UNC45A: variants seen among roughly 807,000 people sequenced by gnomAD.
The protein encoded by UNC45A is protein unc-45 homolog A.
UNC45A carries 78 observed loss-of-function variants against 103.2 expected under a neutral mutation model. The observed-to-expected ratio is 0.76, with a 90% CI of 0.63 to 0.91. UNC45A has a LOEUF of 0.91. Ranked by LOEUF, UNC45A falls within the 40% of genes least tolerant of loss-of-function variation. UNC45A has a pLI of 0.00. For synonymous variants in UNC45A, 495 were observed against 504.6 expected (o/e 0.98, Z 0.25); for missense variants, 1,193 against 1,224.8 (o/e 0.97, Z 0.39).
chr15:90,931,678 C>G, upstream of UNC45A: 1 of 1,613,866 alleles, frequency 6.2e-7, no homozygotes, highest in Non-Finnish European at 8.5e-7. Flanking sequence ...CCTCCCTTTT[C>G]CCTTACAGCC....
In UNC45A at chr15:90,944,926, A is replaced by G. The variant is rs761944026; in HGVS notation, c.1062A>G (p.Leu354=). 6.2e-7 allele frequency: 1 copy of G among 1,612,406 alleles called. No individual in the cohort carries two copies. The highest frequency in any genetic ancestry group is 8.5e-7 in the Non-Finnish European group (1 of 1,180,004). ...AGATTTTGGAAGTGGGGGGCTCTCT[A>G]CAGGACCCTCCTGGGGAGCTCGCAG... The part of the protein sequence containing the change: ...LKKILEVGGS[L]QDPPGELAVT... Residue 354 remains leucine (L), a synonymous_variant, in exon 9 of 20, where the codon CTA becomes CTG. Transcript: ENST00000418476.
At chr15:90,931,379 A>G, upstream of UNC45A, 1 of 1,562,062 alleles carries the variant, frequency 6.4e-7, no homozygotes, top group East Asian at 2.4e-5. Flanking sequence ...CACTCGAAGT[A>G]TTCCTGGACT....
At position 90,943,076 on chromosome 15, in the gene UNC45A, G is replaced by C; in HGVS notation, c.1021G>C (p.Asp341His). The change falls in exon 8 of 20, where the codon GAC becomes CAC. Residue 341 changes from aspartate to histidine, a missense_variant. By Grantham distance (81) the Asp-to-His change is moderately conservative. Coordinates refer to ENST00000418476, the MANE Select transcript of UNC45A (RefSeq NM_018671.5). Reference protein sequence around the residue: ...PNNSLTLWVIDQGLKKILEVG... With the variant: ...PNNSLTLWVIHQGLKKILEVG... ...CAACAGCCTCACCCTCTGGGTCATCGACCAAGGTAGGTGATATAGTTCACA... is the reference window on the plus strand; with the variant it reads ...CAACAGCCTCACCCTCTGGGTCATCCACCAAGGTAGGTGATATAGTTCACA... The C allele has an allele frequency of 6.2e-7, 1 of 1,610,300 alleles. No homozygotes were observed. Among genetic ancestry groups the C allele is most frequent in the Non-Finnish European group, 8.5e-7 (1 of 1,177,998 alleles).
Position 90,946,659 on chromosome 15 carries a change from C to G in UNC45A, c.1245C>G (p.Ile415Met). The change falls in exon 10 of 20, where the codon ATC becomes ATG. Residue 415 changes from isoleucine (I) to methionine (M), a missense_variant. Coordinates refer to ENST00000418476, the MANE Select transcript of UNC45A (RefSeq NM_018671.5). ...GGCTGGCCGGGAAGCTACGGGCCAT[C>G]CAGACGGTGTCCTGCCTCCTGCAGG... ...GQGLAGKLRAIQTVSCLLQGP... is the reference protein window; with the variant it reads ...GQGLAGKLRAMQTVSCLLQGP... The G allele has an allele frequency of 1.2e-6, 2 of 1,611,924 alleles. No individual in the cohort carries two copies. The highest frequency in any genetic ancestry group is 1.7e-6 in the Non-Finnish European group (2 of 1,179,832).
upstream of UNC45A, chr15:90,931,253 T>C: frequency 6.4e-7 from 1 of 1,550,678 alleles, no homozygotes; most frequent in Non-Finnish European, 8.7e-7. Context: ...GAGTTGTGCC[T>C]CTGGATAGCT....
chr15:90,942,760 C>A, intron 7 of UNC45A, 152 bp from the exon 8 acceptor site: 1 of 1,484,784 alleles, frequency 6.7e-7, no homozygotes, highest in Non-Finnish European at 9.2e-7. Flanking sequence ...TTCTCAGCAA[C>A]CAAGGTGCCT....
upstream of UNC45A, chr15:90,935,224 G>A (rs1192380143): frequency 5.6e-6 from 7 of 1,246,090 alleles, no homozygotes; most frequent in South Asian, 7.7e-5. Context: ...CCCCACCTCC[G>A]ACGCAAGAGT....
rs918044732 is a variant in UNC45A, at chr15:90,935,964, G to A, written c.232G>A (p.Glu78Lys). The stretch of plus-strand genomic sequence containing the variant: ...CTTACAGGAAGATTACGACAAAGCA[G>A]AAACAGAGGCATCCAAAGGTAGGGG... ...HLKLEDYDKA[E>K]TEASKAIEKD... is the part of the protein sequence containing the mutation. Residue 78 changes from glutamate to lysine, a missense_variant, in exon 3 of 20, where the codon GAA becomes AAA. Glu to Lys is a moderately conservative substitution (Grantham distance 56). Transcript: ENST00000418476. 3.1e-6 allele frequency: 5 copies of A among 1,614,082 alleles called. No individual in the cohort carries two copies. Among genetic ancestry groups the A allele is most frequent in the Non-Finnish European group, 2.5e-6 (3 of 1,180,012 alleles).
At chr15:90,937,560 C>T (rs184428933) in intron 4 of UNC45A, among the ~76,000 whole-genome samples, 125 of 150,270 alleles carry the variant, frequency 8.3e-4, no homozygotes, top group African/African-American at 3.0e-3. Flanking sequence ...GAACTTGGCT[C>T]ACTGCAACCT....
chr15:90,937,229 C>T (rs1232896395), intron 4 of UNC45A, among the ~76,000 whole-genome samples: 1 of 152,104 alleles, frequency 6.6e-6, no homozygotes, highest in Non-Finnish European at 1.5e-5. Context: ...CCTTGTAGTC[C>T]CAGCTACCTG....
At position 90,943,305 on chromosome 15, in the gene UNC45A, G is replaced by A. The variant is rs143242237; in HGVS notation, c.1027+223G>A. 6.1e-4 allele frequency among the ~76,000 whole-genome samples: 93 copies of A among 151,766 alleles called. No homozygotes were observed. The East Asian group carries it at 0.014, about 24-fold the overall frequency. On this transcript the variant is annotated intron_variant, in intron 8 of 19. Coordinates refer to ENST00000418476, the MANE Select transcript of UNC45A (RefSeq NM_018671.5). ...TTAGCTGGGCATGGTGGTGTGCATC[G>A]GCAGTCCTAGCTACTCCAGAGGCTG...
chr15:90,953,447 T>C lies in UNC45A; in HGVS notation c.2578-12T>C, dbSNP rs1396750326. Reference sequence around the variant, plus strand: ...TTGCCCAGGGGTCATATCTACCCTGTTTTTCTCACAGACCACACACTGGCT... The same window carrying C: ...TTGCCCAGGGGTCATATCTACCCTGCTTTTCTCACAGACCACACACTGGCT... On this transcript the variant is annotated splice_polypyrimidine_tract_variant and intron_variant, in intron 19 of 19. Transcript: ENST00000418476. 6.2e-6 allele frequency: 10 copies of C among 1,612,836 alleles called. No individual in the cohort carries two copies. The highest frequency in any genetic ancestry group is 8.5e-6 in the Non-Finnish European group (10 of 1,179,864).
intron 17 of UNC45A, 150 bp downstream of exon 17, chr15:90,950,765 G>A (rs1466758902): frequency 1.3e-6 from 1 of 792,760 alleles, no homozygotes; most frequent in African/African-American, 1.7e-5. Flanking sequence ...GGAGGCGACA[G>A]GCCAAGAGGC....
chr15:90,943,935 C>T (rs1157545988), intron 8 of UNC45A, among the ~76,000 whole-genome samples: 2 of 150,960 alleles, frequency 1.3e-5, no homozygotes, highest in Non-Finnish European at 2.9e-5. Context: ...ACAATGCACC[C>T]ACCTTGGTCT....
upstream of UNC45A, chr15:90,933,488 C>G (rs2035878243): frequency 6.6e-6 from 1 of 152,194 alleles, no homozygotes; most frequent in Non-Finnish European, 1.5e-5. Context: ...ATACTCTAAT[C>G]AGACATGTAG....
chr15:90,938,330 C>T (rs981547052), intron 4 of UNC45A, among the ~76,000 whole-genome samples: 4 of 151,926 alleles, frequency 2.6e-5, no homozygotes, highest in Non-Finnish European at 4.4e-5. Context: ...AGCTCAAATT[C>T]GCCAGATAAT....
At chr15:90,943,114 A>G (rs2036378414) in intron 8 of UNC45A, 32 bp downstream of exon 8, 2 of 1,572,812 alleles carry the variant, frequency 1.3e-6, no homozygotes, top group Non-Finnish European at 1.7e-6. Context: ...AACTTGCTTC[A>G]GCAGCTGAAG....
chr15:90,946,930 T>TGGGGGGGGCGG lies in UNC45A; in HGVS notation c.1500+20_1500+21insGGGGCGGGGGG. On this transcript the variant is annotated intron_variant, in intron 10 of 19. Transcript: ENST00000418476. Reference sequence around the variant, plus strand: ...GGCGCTAGTGGTGAGACGGTGGGCCTGGGGTGGGTGGGCAGGCAGCCAGGC... The same window carrying TGGGGGGGGCGG: ...GGCGCTAGTGGTGAGACGGTGGGCCTGGGGGGGGCGGGGGGTGGGTGGGCAGGCAGCCAGGC... 1 of 785,004 alleles carries TGGGGGGGGCGG rather than the reference T, an allele frequency of 1.3e-6. No individual in the cohort carries two copies. Among genetic ancestry groups the TGGGGGGGGCGG allele is most frequent in the Non-Finnish European group, 2.1e-6 (1 of 484,398 alleles). 48.6% of individuals were successfully genotyped at this position (785,004 alleles called of 1,614,324 possible).
upstream of UNC45A, chr15:90,930,936 T>G (rs1020309451): frequency 3.7e-6 from 1 of 269,194 alleles, no homozygotes; most frequent in Non-Finnish European, 7.3e-6. Flanking sequence ...TAACCCAGAG[T>G]TATTTTTATT....
Sources: allele counts gnomAD v4.1 joint callset (sites outside exome capture counted in the v4.1 genomes callset), GRCh38; gene constraint gnomAD v4.1.1; transcripts MANE v1.5; gene names NCBI Gene and HGNC (gene_info 2026-07-23, HGNC 2026-07-21).